The following CCSAP variants were observed in gnomAD, a reference collection of about 807,000 sequenced individuals.
CCSAP encodes the protein centriole, cilia and spindle associated protein, also known as centriole, cilia and spindle-associated protein.
In CCSAP, 17 loss-of-function variants were observed where a neutral mutation model predicts 25.9. The ratio of observed to expected loss-of-function variants is 0.66; its 90% CI spans 0.45 to 0.99. The LOEUF (loss-of-function observed/expected upper bound fraction) is 0.99. CCSAP is among the 50% of genes least tolerant of loss of function. The probability of loss-of-function intolerance (pLI) is 0.00; values close to 1 mark genes in which losing one functional copy is unlikely to be tolerated. For missense variants in CCSAP, 339 were observed against 367.8 expected, an observed-to-expected ratio of 0.92 and a Z score of 0.64; for synonymous variants, 169 against 157.1, an observed-to-expected ratio of 1.08 and a Z score of -0.57.
At chr1:229,331,506 G>A (rs962585828) in intron 2 of CCSAP, among the ~76,000 whole-genome samples, 3 of 152,066 alleles carry the variant, frequency 2.0e-5, no homozygotes, top group Admixed American at 6.5e-5. Context: ...GTGTGTGTTC[G>A]TTTTTGTCCA....
In CCSAP at chr1:229,325,125, TA is replaced by T; in HGVS notation, c.*109del. 1 of 1,101,716 alleles carries T rather than the reference TA, an allele frequency of 9.1e-7. No individual in the cohort carries two copies. Among genetic ancestry groups the T allele is most frequent in the Non-Finnish European group, 1.3e-6 (1 of 779,148 alleles). 68.2% of individuals were successfully genotyped at this position (1,101,716 alleles called of 1,614,324 possible). ...CAAATTCCCTAAAAAAAACCTTGCATAATCAGTTGGTTTCTTAAACCTGTGT... is the reference window on the plus strand; with the variant it reads ...CAAATTCCCTAAAAAAAACCTTGCATATCAGTTGGTTTCTTAAACCTGTGT... On this transcript the variant is annotated 3_prime_UTR_variant, in exon 4 of 4. Coordinates refer to ENST00000284617, the MANE Select transcript of CCSAP (RefSeq NM_145257.5).
chr1:229,327,144 G>T, intron 2 of CCSAP, 138 bp from the exon 3 acceptor site: 1 of 671,492 alleles, frequency 1.5e-6, no homozygotes, highest in Non-Finnish European at 2.4e-6. Context: ...TCCACTTAAA[G>T]TAGAAATACA....
chr1:229,331,456 G>A (rs1292073363), intron 2 of CCSAP, among the ~76,000 whole-genome samples: 1 of 152,164 alleles, frequency 6.6e-6, no homozygotes, highest in Non-Finnish European at 1.5e-5. Flanking sequence ...CACAAGAGAA[G>A]TGTATATAAG....
rs950834545 is a variant in CCSAP, at chr1:229,342,711, C to G, written c.-48-198G>C. 5.3e-5 allele frequency among the ~76,000 whole-genome samples: 8 copies of G among 151,800 alleles called. No individual in the cohort carries two copies. Among genetic ancestry groups the G allele is most frequent in the African/African-American group, 9.7e-5 (4 of 41,338 alleles). On this transcript the variant is annotated intron_variant, in intron 1 of 3. Coordinates refer to ENST00000284617, the MANE Select transcript of CCSAP (RefSeq NM_145257.5). The surrounding 1 kb of genome is among the most constrained non-coding windows in gnomAD (Gnocchi z 7.5). ...AGGCGGGGACCGGGGCTGCTGGGGT[C>G]GAGGGGCGCGCCGCCGAGGAGGGCT...
chr1:229,327,921 T>C lies in CCSAP; in HGVS notation c.368-915A>G, dbSNP rs190979208. On this transcript the variant is annotated intron_variant, in intron 2 of 3. Coordinates refer to ENST00000284617, the MANE Select transcript of CCSAP (RefSeq NM_145257.5). ...CAGTTTTAAGGGGCTTCCCCAACAC[T>C]TGCAACGGAAATTACCCCATGAAAT... Among the ~76,000 whole-genome samples the C allele has an allele frequency of 1.5e-3, 231 of 150,368 alleles. 1 individual carries two copies. The highest frequency in any genetic ancestry group is 5.4e-3 in the African/African-American group (221 of 40,874).
chr1:229,333,207 C>T (rs978631949), intron 2 of CCSAP, among the ~76,000 whole-genome samples: 6 of 151,504 alleles, frequency 4.0e-5, no homozygotes, highest in Admixed American at 1.3e-4. Context: ...CCAAGGCGGG[C>T]AGATCACGAG....
At chr1:229,336,877 G>C (rs1440131393) in intron 2 of CCSAP, among the ~76,000 whole-genome samples, 1 of 151,892 alleles carries the variant, frequency 6.6e-6, no homozygotes, top group Non-Finnish European at 1.5e-5. Context: ...ACCAAAAATA[G>C]ATGATCTCTT....
intron 2 of CCSAP, among the ~76,000 whole-genome samples, chr1:229,330,701 C>T (rs1011478995): frequency 1.3e-5 from 2 of 151,920 alleles, no homozygotes; most frequent in African/African-American, 4.8e-5. Context: ...ACTAATTAGC[C>T]GGGCGTGGTG....
At chr1:229,341,125 C>CA (rs1329443518) in intron 2 of CCSAP, among the ~76,000 whole-genome samples, 2 of 141,694 alleles carry the variant, frequency 1.4e-5, no homozygotes, top group African/African-American at 5.3e-5. Flanking sequence ...ATCCGGGAGG[C>CA]AGAGGTTGCA....
rs1657954656 is a variant in CCSAP at position 229,326,934 on chromosome 1, G to C, written c.440C>G (p.Thr147Ser). The stretch of plus-strand genomic sequence containing the variant: ...TGGTTGCTGTCGAGGCTCAGTACTG[G>C]TGGGTGATTTGTCAGTCTCTCTTGT... ...TRTRETDKSP[T>S]STEPRQQPSA... The change falls in exon 3 of 4, where the codon ACC becomes AGC. Residue 147 changes from threonine (T) to serine (S), a missense_variant. Coordinates refer to ENST00000284617, the MANE Select transcript of CCSAP (RefSeq NM_145257.5). 2 of 1,614,070 alleles carry C rather than the reference G, an allele frequency of 1.2e-6. No individual in the cohort carries two copies. Among genetic ancestry groups the C allele is most frequent in the African/African-American group, 1.3e-5 (1 of 74,916 alleles).
intron 2 of CCSAP, among the ~76,000 whole-genome samples, chr1:229,337,948 G>A (rs980895779): frequency 2.6e-5 from 4 of 151,018 alleles, no homozygotes; most frequent in Admixed American, 6.6e-5. Context: ...AACAAAATAA[G>A]CAAACAAAAA....
At chr1:229,339,537 A>G (rs1658281476) in intron 2 of CCSAP, among the ~76,000 whole-genome samples, 1 of 152,130 alleles carries the variant, frequency 6.6e-6, no homozygotes, top group Non-Finnish European at 1.5e-5. Context: ...GTAAACCAAG[A>G]AAGAAAATGA....
intron 2 of CCSAP, among the ~76,000 whole-genome samples, chr1:229,331,570 T>C (rs1285503955): frequency 1.3e-5 from 2 of 152,020 alleles, no homozygotes; most frequent in African/African-American, 4.8e-5. Context: ...TGTTATAATG[T>C]TGGGTGTGTT....
chr1:229,342,629 G>C lies in CCSAP; in HGVS notation c.-48-116C>G. The C allele has an allele frequency of 2.4e-6, 1 of 416,794 alleles. No homozygotes were observed. The highest frequency in any genetic ancestry group is 4.0e-6 in the Non-Finnish European group (1 of 249,546). The allele number at this position is 416,794 out of a possible 1,614,324, so 25.8% of individuals were successfully genotyped here. A position where few individuals can be genotyped will look rare whatever the true frequency, so the allele number is the denominator to read the frequency against. On this transcript the variant is annotated intron_variant, in intron 1 of 3. Transcript: ENST00000284617. The surrounding 1 kb of genome is among the most constrained non-coding windows in gnomAD (Gnocchi z 7.5). Reference sequence around the variant, plus strand: ...GGGAGCAGGGGGCGGGTCCCGGCGAGGGCGGGGAGGGGGCGGGGCGGGGGC... The same window carrying C: ...GGGAGCAGGGGGCGGGTCCCGGCGACGGCGGGGAGGGGGCGGGGCGGGGGC...
At chr1:229,327,183 T>C (rs1315409583) in intron 2 of CCSAP, 177 bp from the exon 3 acceptor site, 2 of 548,032 alleles carry the variant, frequency 3.6e-6, no homozygotes, top group Non-Finnish European at 3.0e-6. Context: ...TTTCAAACCA[T>C]TTATCTCATT....
At chr1:229,337,678 A>AAAAAAAAAAAAT in intron 2 of CCSAP, among the ~76,000 whole-genome samples, 1 of 65,548 alleles carries the variant, frequency 1.5e-5, no homozygotes, top group Non-Finnish European at 3.1e-5. Context: ...CTCAAAAAAA[A>AAAAAAAAAAAAT]ATATATATAT....
At position 229,324,499 on chromosome 1, in the gene CCSAP, A is replaced by T. The variant is rs2282081; in HGVS notation, c.*736T>A. On this transcript the variant is annotated 3_prime_UTR_variant, in exon 4 of 4. Coordinates refer to ENST00000284617, the MANE Select transcript of CCSAP (RefSeq NM_145257.5). ...TCAAAAGAAACTTTACTACTACTGT[A>T]CACACATATTGTGTTGTGTGCACTT... The T allele has an allele frequency of 0.38, 58,424 of 152,036 alleles. 11,675 individuals are homozygous for T. Among genetic ancestry groups the T allele is most frequent in the Admixed American group, 0.45 (6,790 of 15,224 alleles). The allele number at this position is 152,036 out of a possible 1,614,324, so 9.4% of individuals were successfully genotyped here.
Position 229,342,403 on chromosome 1 carries a change from C to T in CCSAP, c.63G>A (p.Glu21=), listed in dbSNP as rs1435568312. The T allele has an allele frequency of 6.8e-7, 1 of 1,469,024 alleles. No homozygotes were observed. Among genetic ancestry groups the T allele is most frequent in the Non-Finnish European group, 9.0e-7 (1 of 1,105,892 alleles). The allele number at this position is 1,469,024 out of a possible 1,614,324, so 91.0% of individuals were successfully genotyped here. ...YMKRYQEPRW[E]EYGPCYRELL... is the part of the protein sequence containing the mutation. ...GCTCGCGGTAGCACGGCCCGTACTC[C>T]TCCCAGCGCGGCTCCTGGTAGCGCT... The change falls in exon 2 of 4, where the codon GAG becomes GAA. Residue 21 remains glutamate, a synonymous_variant. Transcript: ENST00000284617. The surrounding 1 kb of genome is among the most constrained non-coding windows in gnomAD (Gnocchi z 7.5).
rs1488464986 is a variant in CCSAP at position 229,337,696 on chromosome 1, T to C, written c.367+4403A>G. ...AAAAAAAAATATATATATATATATA[T>C]ATACACATACATATATATATATGTA... On this transcript the variant is annotated intron_variant, in intron 2 of 3. Transcript: ENST00000284617. 6.0e-4 allele frequency among the ~76,000 whole-genome samples: 34 copies of C among 56,330 alleles called. 3 individuals carry two copies. Among genetic ancestry groups the C allele is most frequent in the Admixed American group, 1.3e-3 (7 of 5,322 alleles). 37.0% of individuals were successfully genotyped at this position (56,330 alleles called of 152,430 possible).
Sources: gnomAD v4.1 joint callset for allele counts (sites outside exome capture counted in the v4.1 genomes callset) on GRCh38, gnomAD v4.1.1 for gene constraint, Gnocchi (gnomAD v3.1) non-coding constraint, MANE v1.5 for transcripts, NCBI Gene and HGNC (gene_info 2026-07-23, HGNC 2026-07-21) for gene names.